The following SETDB2 variants were observed in gnomAD, a reference collection of about 807,000 sequenced individuals.
The protein encoded by SETDB2 is SET domain bifurcated histone lysine methyltransferase 2.
SETDB2 carries 56 observed loss-of-function variants against 82.5 expected under a neutral mutation model. That is an observed-to-expected ratio of 0.68 (90% CI 0.55 to 0.85). The LOEUF is 0.85. SETDB2 is among the 40% of genes least tolerant of loss of function. SETDB2 has a pLI of 0.00. For synonymous variants in SETDB2, 272 were observed against 284.9 expected, an observed-to-expected ratio of 0.95 and a Z score of 0.46; for missense variants, 677 against 816.4, an observed-to-expected ratio of 0.83 and a Z score of 2.08.
At chr13:49,450,180 C>T (rs1957760639) in intron 1 of SETDB2, among the ~76,000 whole-genome samples, 1 of 152,096 alleles carries the variant, frequency 6.6e-6, no homozygotes, top group South Asian at 2.1e-4. Context: ...GAATTTTATC[C>T]TGGTTGGTAC....
rs775907935 is a variant in SETDB2, at chr13:49,483,445, AC to A, written c.1383-18del. 2 of 1,050,160 alleles carry A rather than the reference AC, an allele frequency of 1.9e-6. No individual in the cohort carries two copies. Among genetic ancestry groups the A allele is most frequent in the South Asian group, 1.6e-5 (1 of 62,368 alleles). 65.1% of individuals were successfully genotyped at this position (1,050,160 alleles called of 1,614,324 possible). ...AGAGAATTTTTAGTGATACAGAATA[AC>A]TTTTTTTTCCTTTTTAGGGAAACGA... On this transcript the variant is annotated intron_variant, in intron 9 of 13. Transcript: ENST00000611815.
chr13:49,490,298 A>AAAAG (rs1555274182), intron 12 of SETDB2, among the ~76,000 whole-genome samples: 28 of 151,322 alleles, frequency 1.9e-4, no homozygotes, highest in African/African-American at 6.6e-4. Flanking sequence ...AAAAAAAAAA[A>AAAAG]AAAATCTTGT....
chr13:49,464,297 G>A (rs1191659614), intron 4 of SETDB2, among the ~76,000 whole-genome samples: 1 of 152,116 alleles, frequency 6.6e-6, no homozygotes, highest in Non-Finnish European at 1.5e-5. Context: ...CTTTTTGGGA[G>A]GATCGATTTT....
intron 4 of SETDB2, among the ~76,000 whole-genome samples, chr13:49,463,425 C>G (rs1958037847): frequency 6.6e-6 from 1 of 152,146 alleles, no homozygotes; most frequent in African/African-American, 2.4e-5. Context: ...ACTTAACATC[C>G]AAAAACTTGG....
intron 5 of SETDB2, among the ~76,000 whole-genome samples, chr13:49,471,930 A>ATATATATATG (rs1566166247): frequency 1.4e-5 from 1 of 73,116 alleles, no homozygotes; most frequent in African/African-American, 5.8e-5. Context: ...ATATATATAT[A>ATATATATATG]TATATTTTTT....
intron 5 of SETDB2, among the ~76,000 whole-genome samples, chr13:49,474,509 T>G (rs1260963369): frequency 6.6e-6 from 1 of 152,218 alleles, no homozygotes; most frequent in African/African-American, 2.4e-5. Context: ...TCTAACAGTA[T>G]CTTTACGTGT....
At chr13:49,483,151 A>G (rs2057414) in intron 9 of SETDB2, among the ~76,000 whole-genome samples, 189 bp downstream of exon 9, 63,806 of 152,024 alleles carry the variant, frequency 0.42, 15,101 homozygotes, top group Middle Eastern at 0.55. Context: ...TCAGTGTTCC[A>G]GTTTTGGAAT....
At chr13:49,467,388 G>A (rs542268951) in intron 4 of SETDB2, among the ~76,000 whole-genome samples, 2 of 88,566 alleles carry the variant, frequency 2.3e-5, no homozygotes, top group Non-Finnish European at 4.2e-5. Context: ...GAGTGAATGA[G>A]ACTCTGTCTC....
intron 2 of SETDB2, among the ~76,000 whole-genome samples, chr13:49,458,356 T>G (rs1355108084): frequency 6.6e-6 from 1 of 152,210 alleles, no homozygotes; most frequent in East Asian, 1.9e-4. Flanking sequence ...ATTACAGGCC[T>G]GAGATACTGT....
rs762933863 is a variant in SETDB2 at position 49,490,907 on chromosome 13, A to G, written c.2003A>G (p.Asn668Ser). ...RNFPLVAFFT[N>S]RYVKARTELT... ...TTTCCATTGGTGGCATTCTTCACCA[A>G]CAGGTTTGAAATTGATTTCGCTTAC... Residue 668 changes from asparagine (N) to serine (S), a missense_variant, in exon 13 of 14, where the codon AAC becomes AGC. Asn to Ser is a conservative substitution (Grantham distance 46, BLOSUM62 1). Around this residue, in one of 3 missense-constraint regions of SETDB2, gnomAD observed 420 missense variants for 554.6 expected, o/e 0.76. Transcript: ENST00000611815. 3.1e-6 allele frequency: 5 copies of G among 1,611,904 alleles called. No homozygotes were observed. The Admixed American group carries it at 8.3e-5, about 27-fold the overall frequency.
intron 5 of SETDB2, among the ~76,000 whole-genome samples, chr13:49,470,966 C>CTTTCTTTCTTTCT (rs10695231): frequency 5.0e-5 from 4 of 80,486 alleles, no homozygotes; most frequent in Admixed American, 3.3e-4. Context: ...TTCTTTCTTT[C>CTTTCTTTCTTTCT]TTTTTTTTTT....
At chr13:49,458,579 A>T (rs984459561) in intron 2 of SETDB2, among the ~76,000 whole-genome samples, 2 of 152,192 alleles carry the variant, frequency 1.3e-5, no homozygotes, top group African/African-American at 4.8e-5. Context: ...GATGTTCTAC[A>T]TAAGACCCTT....
At chr13:49,478,910 G>C (rs1052615369) in intron 6 of SETDB2, among the ~76,000 whole-genome samples, 11 of 152,154 alleles carry the variant, frequency 7.2e-5, no homozygotes, top group East Asian at 1.9e-4. Flanking sequence ...CTGGGCAACA[G>C]AGTGAGACCC....
At chr13:49,465,427 C>G (rs1047488625) in intron 4 of SETDB2, among the ~76,000 whole-genome samples, 5 of 152,090 alleles carry the variant, frequency 3.3e-5, no homozygotes, top group Non-Finnish European at 5.9e-5. Flanking sequence ...ATTTATATAA[C>G]TCATGCAAAT....
chr13:49,462,588 A>G (rs187525963), intron 4 of SETDB2, among the ~76,000 whole-genome samples: 25 of 152,366 alleles, frequency 1.6e-4, no homozygotes, highest in Middle Eastern at 3.4e-3. Flanking sequence ...AAGTTATTTT[A>G]ACAGGATCAA....
At chr13:49,446,468 T>G (rs1957691816) in intron 1 of SETDB2, 1 of 448,258 alleles carries the variant, frequency 2.2e-6, no homozygotes, top group Non-Finnish European at 4.5e-6. Context: ...CAAGTGTTTT[T>G]TAATACTTAC....
intron 5 of SETDB2, among the ~76,000 whole-genome samples, chr13:49,473,504 T>C (rs1297509420): frequency 6.8e-6 from 1 of 147,240 alleles, no homozygotes; most frequent in Non-Finnish European, 1.5e-5. Context: ...GGAACCAAGA[T>C]TGCACCACTG....
intron 6 of SETDB2, among the ~76,000 whole-genome samples, chr13:49,478,629 T>C (rs1455050599): frequency 6.6e-6 from 1 of 152,154 alleles, no homozygotes; most frequent in African/African-American, 2.4e-5. Context: ...ACAGGTATAA[T>C]TAAACTGTCC....
chr13:49,492,515 CAG>C lies in SETDB2; in HGVS notation c.*668_*669del, dbSNP rs889785146. 1.3e-5 allele frequency: 2 copies of C among 152,266 alleles called. No individual in the cohort carries two copies. Among genetic ancestry groups the C allele is most frequent in the African/African-American group, 4.8e-5 (2 of 41,386 alleles). 9.4% of individuals were successfully genotyped at this position (152,266 alleles called of 1,614,324 possible). ...ATTTTCTCTACTCTTTCTATACAAA[CAG>C]ATAGGAGAAGAGGGAATAGAAACCT... On this transcript the variant is annotated 3_prime_UTR_variant, in exon 14 of 14. Coordinates refer to ENST00000611815, the MANE Select transcript of SETDB2 (RefSeq NM_001160308.3).
Sources: allele counts gnomAD v4.1 joint callset (sites outside exome capture counted in the v4.1 genomes callset), GRCh38; gene constraint gnomAD v4.1.1; regional missense constraint gnomAD v4.1.1; transcripts MANE v1.5; gene names NCBI Gene and HGNC (gene_info 2026-07-23, HGNC 2026-07-21).